ARID1B: variants seen among roughly 807,000 people sequenced by gnomAD.
The protein encoded by ARID1B is AT-rich interaction domain 1B, also known as AT-rich interactive domain-containing protein 1B.
A neutral mutation model predicts 212.3 loss-of-function variants in ARID1B; 30 were observed. The ratio of observed to expected loss-of-function variants is 0.14; its 90% confidence interval spans 0.11 to 0.19. ARID1B has a LOEUF of 0.19. Among genes scored for constraint, ARID1B ranks in the 10% least tolerant of loss-of-function variants. The probability of loss-of-function intolerance (pLI) is 1.00; values close to 1 mark genes in which losing one functional copy is unlikely to be tolerated. For synonymous variants in ARID1B, 1,402 were observed against 1,301.7 expected (o/e 1.08, Z -1.66); for missense variants, 2,891 against 3,204.0 (o/e 0.90, Z 2.36).
intron 3 of ARID1B, among the ~76,000 whole-genome samples, chr6:156,914,144 T>C: frequency 7.8e-6 from 1 of 128,358 alleles, no homozygotes; most frequent in African/African-American, 3.0e-5. Context: ...ACTCCCGAAC[T>C]GCCAGCGCCA....
At chr6:157,122,396 A>C (rs1169586225) in intron 6 of ARID1B, among the ~76,000 whole-genome samples, 3 of 152,216 alleles carry the variant, frequency 2.0e-5, no homozygotes, top group African/African-American at 7.2e-5. Context: ...GACTCCAGGG[A>C]ATATCTTGGC....
At chr6:157,020,700 T>A (rs953217743) in intron 4 of ARID1B, among the ~76,000 whole-genome samples, 3 of 152,342 alleles carry the variant, frequency 2.0e-5, no homozygotes, top group South Asian at 4.1e-4. Flanking sequence ...CTCAAAATTA[T>A]GCTTCTCTAA....
At chr6:157,115,160 T>G (rs897261758) in intron 6 of ARID1B, among the ~76,000 whole-genome samples, 2 of 152,194 alleles carry the variant, frequency 1.3e-5, no homozygotes, top group Admixed American at 1.3e-4. Flanking sequence ...GTATTGAGTT[T>G]TGTCACAGGA....
intron 4 of ARID1B, among the ~76,000 whole-genome samples, chr6:156,959,952 A>G (rs1794253457): frequency 7.2e-6 from 1 of 137,960 alleles, no homozygotes; most frequent in Admixed American, 7.4e-5. Context: ...TTTTCTCGAG[A>G]CAGAGTCTCA....
At chr6:157,089,574 A>G (rs1785152466) in intron 5 of ARID1B, among the ~76,000 whole-genome samples, 1 of 152,140 alleles carries the variant, frequency 6.6e-6, no homozygotes, top group Admixed American at 6.5e-5. Context: ...AGCTCTCTAT[A>G]GTTAGAAGGT....
chr6:157,020,368 C>T (rs1780148573), intron 4 of ARID1B, among the ~76,000 whole-genome samples: 1 of 152,058 alleles, frequency 6.6e-6, no homozygotes, highest in Non-Finnish European at 1.5e-5. Flanking sequence ...GTCTCAAAAC[C>T]AAAAACCAGT....
intron 5 of ARID1B, among the ~76,000 whole-genome samples, chr6:157,109,472 A>C (rs1422895624): frequency 6.6e-6 from 1 of 152,086 alleles, no homozygotes; most frequent in African/African-American, 2.4e-5. Flanking sequence ...GCAAAGAGGG[A>C]GGGTAGAAGA....
intron 4 of ARID1B, among the ~76,000 whole-genome samples, chr6:157,004,167 T>C (rs889157937): frequency 4.1e-4 from 62 of 152,298 alleles, no homozygotes; most frequent in Admixed American, 2.7e-3. Context: ...CCCGAAACCC[T>C]AGGATTACAG....
At chr6:156,968,127 T>G (rs1794899748) in intron 4 of ARID1B, among the ~76,000 whole-genome samples, 2 of 152,226 alleles carry the variant, frequency 1.3e-5, no homozygotes, top group African/African-American at 4.8e-5. Flanking sequence ...ACCAAGCATC[T>G]GTAAGCACCT....
At chr6:156,872,472 C>T (rs1786213301) in intron 2 of ARID1B, among the ~76,000 whole-genome samples, 1 of 152,110 alleles carries the variant, frequency 6.6e-6, no homozygotes, top group South Asian at 2.1e-4. Context: ...CAGGCGCGCA[C>T]CACCACGCCC....
At position 156,957,606 on chromosome 6, in the gene ARID1B, G is replaced by A. The variant is rs141652304; in HGVS notation, c.2247+22030G>A. Reference sequence around the variant, plus strand: ...GGGTTGATTTGGACCCTATGGTTTGGTAAATCATGTCCCTTGAATGTATAC... The same window carrying A: ...GGGTTGATTTGGACCCTATGGTTTGATAAATCATGTCCCTTGAATGTATAC... On this transcript the variant is annotated intron_variant, in intron 4 of 19. Transcript: ENST00000636930. Among the ~76,000 whole-genome samples the A allele has an allele frequency of 2.3e-3, 344 of 152,272 alleles. 1 individual carries two copies. The highest frequency in any genetic ancestry group is 8.1e-3 in the African/African-American group (335 of 41,544).
Position 157,049,107 on chromosome 6 carries a change from A to C in ARID1B, c.2248-35555A>C, listed in dbSNP as rs976139985. 3.5e-5 allele frequency among the ~76,000 whole-genome samples: 5 copies of C among 143,608 alleles called. No homozygotes were observed. The East Asian group carries it at 1.1e-3, about 32-fold the overall frequency. The allele number at this position is 143,608 out of a possible 152,430, so 94.2% of individuals were successfully genotyped here. On this transcript the variant is annotated intron_variant, in intron 4 of 19. Transcript: ENST00000636930. ...AAGAATCACTTGAACCAGGAGGTGG[A>C]GGTTGCAGTGAGCTGAGATCATGCC...
intron 7 of ARID1B, among the ~76,000 whole-genome samples, chr6:157,144,294 G>A (rs955162985): frequency 7.2e-5 from 11 of 152,092 alleles, no homozygotes; most frequent in Admixed American, 5.9e-4. Context: ...TAATAAAACC[G>A]CATGATGGGT....
At chr6:156,953,049 A>G (rs1319859880) in intron 4 of ARID1B, among the ~76,000 whole-genome samples, 1 of 152,358 alleles carries the variant, frequency 6.6e-6, no homozygotes, top group East Asian at 1.9e-4. Context: ...AAATCTGGTC[A>G]ACTGCGTAAT....
chr6:156,832,415 G>A (rs1055282659), intron 2 of ARID1B, among the ~76,000 whole-genome samples: 1 of 152,216 alleles, frequency 6.6e-6, no homozygotes, highest in African/African-American at 2.4e-5. Context: ...TTATGACATT[G>A]AGTATTTATT....
In ARID1B at chr6:157,203,516, A is replaced by T. The variant is rs1407348020; in HGVS notation, c.5264-350A>T. The T allele has an allele frequency of 1.5e-5, 3 of 203,474 alleles. No homozygotes were observed. Among genetic ancestry groups the T allele is most frequent in the Non-Finnish European group, 3.0e-5 (3 of 99,814 alleles). 12.6% of individuals were successfully genotyped at this position (203,474 alleles called of 1,614,324 possible). A position where few individuals can be genotyped will look rare whatever the true frequency, so the allele number is the denominator to read the frequency against. On this transcript the variant is annotated intron_variant, in intron 18 of 19. Transcript: ENST00000636930. This position sits in a 1 kb window ranked among gnomAD's most constrained non-coding sequence, Gnocchi z 4.4. ...AAGACAAATACCACTTTTGGGTTTG[A>T]CTCATTTATTAAAAGCTCTGATACC...
chr6:157,046,129 T>C (rs1782226404), intron 4 of ARID1B, among the ~76,000 whole-genome samples: 1 of 152,242 alleles, frequency 6.6e-6, no homozygotes, highest in African/African-American at 2.4e-5. Context: ...AAATACTTTA[T>C]GTATATTTAC....
At position 156,838,704 on chromosome 6, in the gene ARID1B, T is replaced by TA. The variant is rs1783679743; in HGVS notation, c.1986+9286dup. ...TGTTGTACACAGGTACCCTAGAACT[T>TA]AAAGTATAATAATAATAATAATAAT... On this transcript the variant is annotated intron_variant, in intron 2 of 19. Transcript: ENST00000636930. Among the ~76,000 whole-genome samples, 3 of 68,438 alleles carry TA rather than the reference T, an allele frequency of 4.4e-5. No homozygotes were observed. The South Asian group carries it at 1.6e-3, about 36-fold the overall frequency. 44.9% of individuals were successfully genotyped at this position (68,438 alleles called of 152,430 possible). A position where few individuals can be genotyped will look rare whatever the true frequency, so the allele number is the denominator to read the frequency against.
chr6:156,994,946 T>C (rs1213615816), intron 4 of ARID1B, among the ~76,000 whole-genome samples: 1 of 152,244 alleles, frequency 6.6e-6, no homozygotes, highest in Non-Finnish European at 1.5e-5. Flanking sequence ...CCCTGTCAGC[T>C]GGGGCTGGGT....
Sources: gnomAD v4.1 joint callset for allele counts (sites outside exome capture counted in the v4.1 genomes callset) on GRCh38, gnomAD v4.1.1 for gene constraint, Gnocchi (gnomAD v3.1) non-coding constraint, MANE v1.5 for transcripts, NCBI Gene and HGNC (gene_info 2026-07-23, HGNC 2026-07-21) for gene names.